SGCE: variants seen among roughly 807,000 people sequenced by gnomAD.
SGCE encodes sarcoglycan epsilon.
A neutral mutation model predicts 57.8 loss-of-function variants in SGCE; 26 were observed. The observed-to-expected ratio is 0.45, with a 90% CI of 0.33 to 0.62. SGCE has a LOEUF of 0.62. Among genes scored for constraint, SGCE ranks in the 20% least tolerant of loss-of-function variants. The pLI, the probability that SGCE is intolerant of heterozygous loss-of-function variation, is 0.02. For synonymous variants in SGCE, 183 were observed against 189.5 expected (o/e 0.97, Z 0.28); for missense variants, 468 against 548.6 (o/e 0.85, Z 1.47).
intron 7 of SGCE, 159 bp from the exon 8 acceptor site, chr7:94,599,882 G>T: frequency 1.5e-6 from 1 of 657,774 alleles, no homozygotes; most frequent in South Asian, 1.7e-5. Context: ...ACATTGCTTG[G>T]ATGAGTACAC....
At chr7:94,617,017 C>G (rs1213621182) in intron 5 of SGCE, 3 of 152,192 alleles carry the variant, frequency 2.0e-5, no homozygotes, top group African/African-American at 7.2e-5. Context: ...GTGCCACCCT[C>G]TAGCAGGTGT....
At chr7:94,587,976 C>A in intron 10 of SGCE, 1 of 1,414,130 alleles carries the variant, frequency 7.1e-7, no homozygotes, top group South Asian at 1.7e-5. Flanking sequence ...ATTTTTAAAA[C>A]TTCTCTTGCT....
chr7:94,637,291 TCATA>T (rs555544716), intron 1 of SGCE, among the ~76,000 whole-genome samples: 1 of 152,292 alleles, frequency 6.6e-6, no homozygotes, highest in South Asian at 2.1e-4. Context: ...ACAATTCTCC[TCATA>T]CAGTTGACAA....
At chr7:94,650,329 T>C (rs1208896121) in intron 1 of SGCE, among the ~76,000 whole-genome samples, 1 of 152,156 alleles carries the variant, frequency 6.6e-6, no homozygotes, top group Non-Finnish European at 1.5e-5. Flanking sequence ...CCTCTAGCCC[T>C]AGGTACCCTC....
At chr7:94,619,006 A>G in intron 4 of SGCE, 50 bp from the exon 5 acceptor site, 1 of 1,301,300 alleles carries the variant, frequency 7.7e-7, no homozygotes, top group East Asian at 2.3e-5. Context: ...GTAGTCTTTT[A>G]AAAAGGAAAC....
chr7:94,605,150 G>T (rs2116746783), intron 5 of SGCE, among the ~76,000 whole-genome samples: 1 of 152,024 alleles, frequency 6.6e-6, no homozygotes, highest in Admixed American at 6.5e-5. Flanking sequence ...TGAAAAGACT[G>T]AACAAGCATC....
intron 1 of SGCE, among the ~76,000 whole-genome samples, chr7:94,634,727 G>T (rs552160971): frequency 6.6e-6 from 1 of 152,220 alleles, no homozygotes; most frequent in South Asian, 2.1e-4. Flanking sequence ...CTTTTGTGGC[G>T]TATTTCCTAG....
At chr7:94,590,378 T>C (rs1797513418) in intron 9 of SGCE, 1 of 152,178 alleles carries the variant, frequency 6.6e-6, no homozygotes, top group Admixed American at 6.5e-5. Context: ...ATGCTGATTG[T>C]CATTGTATTC....
chr7:94,650,020 G>C (rs910831792), intron 1 of SGCE, among the ~76,000 whole-genome samples: 1 of 152,094 alleles, frequency 6.6e-6, no homozygotes, highest in African/African-American at 2.4e-5. Context: ...TTCAAAGTTT[G>C]ATATACTAAC....
At chr7:94,610,253 C>T (rs1414845557) in intron 5 of SGCE, among the ~76,000 whole-genome samples, 1 of 152,148 alleles carries the variant, frequency 6.6e-6, no homozygotes. Context: ...AGCAGTGAAA[C>T]TACTCTGTAT....
rs187102547 is a variant in SGCE, at chr7:94,592,692, T to A, written c.1254-3960A>T. On this transcript the variant is annotated intron_variant, in intron 9 of 10. Transcript: ENST00000648936. The stretch of plus-strand genomic sequence containing the variant: ...GTTGGGGGGAGTACACAATTATTTC[T>A]TATGTGTACAACCATTTTAAAGTAA... 2.9e-3 allele frequency among the ~76,000 whole-genome samples: 438 copies of A among 152,296 alleles called. 1 individual carries two copies. Among genetic ancestry groups the A allele is most frequent in the Admixed American group, 0.021 (320 of 15,282 alleles).
At chr7:94,616,000 T>C (rs1801876801) in intron 5 of SGCE, among the ~76,000 whole-genome samples, 1 of 152,234 alleles carries the variant, frequency 6.6e-6, no homozygotes, top group Non-Finnish European at 1.5e-5. Flanking sequence ...TTCAGAGGGC[T>C]CAGCCTTCCT....
At chr7:94,592,002 C>A (rs561745657) in intron 9 of SGCE, among the ~76,000 whole-genome samples, 1 of 152,034 alleles carries the variant, frequency 6.6e-6, no homozygotes, top group Admixed American at 6.6e-5. Flanking sequence ...TGCTTGTGTG[C>A]GCAAAAAGGT....
At chr7:94,650,032 C>A (rs13225971) in intron 1 of SGCE, among the ~76,000 whole-genome samples, 19,458 of 152,102 alleles carry the variant, frequency 0.13, 1,505 homozygotes, top group South Asian at 0.25. Context: ...TATACTAACC[C>A]AAATAAACAA....
intron 1 of SGCE, among the ~76,000 whole-genome samples, chr7:94,644,326 T>C (rs17166406): frequency 0.13 from 19,462 of 152,180 alleles, 1,503 homozygotes; most frequent in South Asian, 0.25. Context: ...ATGATTCATT[T>C]TGAGTCTTGT....
intron 1 of SGCE, among the ~76,000 whole-genome samples, chr7:94,640,208 G>A (rs750851082): frequency 6.6e-6 from 1 of 152,084 alleles, no homozygotes; most frequent in Non-Finnish European, 1.5e-5. Context: ...TAAACTTAGG[G>A]TACTAGTTGG....
chr7:94,648,206 T>C (rs936376931), intron 1 of SGCE, among the ~76,000 whole-genome samples: 1 of 151,388 alleles, frequency 6.6e-6, no homozygotes, highest in Non-Finnish European at 1.5e-5. Context: ...AACTCCGTCT[T>C]TACTAAAAAT....
intron 10 of SGCE, chr7:94,587,441 G>C (rs1472825618): frequency 1.7e-6 from 2 of 1,177,308 alleles, no homozygotes; most frequent in African/African-American, 3.2e-5. Flanking sequence ...AATCTTAGGC[G>C]AGATGGAAGC....
rs13235539 is a variant in SGCE, at chr7:94,629,585, C to T, written c.232+134G>A. The stretch of plus-strand genomic sequence containing the variant: ...TTTCTAATCTGTAAATGAGAAATAT[C>T]CTACAACAATTTATCACATATTTAG... On this transcript the variant is annotated intron_variant, in intron 2 of 10. Transcript: ENST00000648936. 0.14 allele frequency: 117,543 copies of T among 817,342 alleles called. 9,456 individuals carry two copies. Among genetic ancestry groups the T allele is most frequent in the South Asian group, 0.24 (15,087 of 63,630 alleles). The allele number at this position is 817,342 out of a possible 1,614,324, so 50.6% of individuals were successfully genotyped here.
Sources: allele counts gnomAD v4.1 joint callset (sites outside exome capture counted in the v4.1 genomes callset), GRCh38; gene constraint gnomAD v4.1.1; transcripts MANE v1.5; gene names NCBI Gene and HGNC (gene_info 2026-07-23, HGNC 2026-07-21).